The following ADNP2 variants were observed in gnomAD, a reference collection of about 807,000 sequenced individuals.
The protein encoded by ADNP2 is ADNP homeobox 2, also known as activity-dependent neuroprotector homeobox protein 2.
ADNP2 carries 8 observed loss-of-function variants against 16.4 expected under a neutral mutation model. The ratio of observed to expected loss-of-function variants is 0.49; its 90% CI spans 0.29 to 0.88. ADNP2 has a LOEUF of 0.88. Ranked by LOEUF, ADNP2 falls within the 40% of genes least tolerant of loss-of-function variation. ADNP2 has a pLI of 0.09. For missense variants in ADNP2, 1,397 were observed against 1,395.1 expected (o/e 1.00, Z -0.02); for synonymous variants, 637 against 545.8 (o/e 1.17, Z -2.33).
chr18:80,139,592 G>A lies in ADNP2; in HGVS notation c.*783G>A, dbSNP rs556807802. Reference sequence around the variant, plus strand: ...TTTTGATATGCTAAGTCATTTCTCCGTTCAGAGGTAAAACAATAAATTTTT... The same window carrying A: ...TTTTGATATGCTAAGTCATTTCTCCATTCAGAGGTAAAACAATAAATTTTT... On this transcript the variant is annotated 3_prime_UTR_variant, in exon 4 of 4. Transcript: ENST00000262198. 7 of 152,260 alleles carry A rather than the reference G, an allele frequency of 4.6e-5. No homozygotes were observed. The highest frequency in any genetic ancestry group is 9.7e-5 in the African/African-American group (4 of 41,282). 9.4% of individuals were successfully genotyped at this position (152,260 alleles called of 1,614,324 possible). A position where few individuals can be genotyped will look rare whatever the true frequency, so the allele number is the denominator to read the frequency against.
At position 80,128,340 on chromosome 18, in the gene ADNP2, A is replaced by G. The variant is rs571237326; in HGVS notation, c.109-4763A>G. Among the ~76,000 whole-genome samples the G allele has an allele frequency of 1.1e-4, 16 of 152,334 alleles. No individual in the cohort carries two copies. The South Asian group carries it at 3.3e-3, about 32-fold the overall frequency. Reference sequence around the variant, plus strand: ...TTTAAGATAGTTCTGAAAATAACCTAATTTTCAGTAGAAATCTTTGTAATA... The same window carrying G: ...TTTAAGATAGTTCTGAAAATAACCTGATTTTCAGTAGAAATCTTTGTAATA... On this transcript the variant is annotated intron_variant, in intron 2 of 3. Coordinates refer to ENST00000262198, the MANE Select transcript of ADNP2 (RefSeq NM_014913.4).
At chr18:80,134,415 G>GT (rs1159584851) in intron 3 of ADNP2, among the ~76,000 whole-genome samples, 2 of 146,632 alleles carry the variant, frequency 1.4e-5, no homozygotes, top group African/African-American at 4.9e-5. Flanking sequence ...GTGTGTGTGT[G>GT]TGTGAGAGAG....
chr18:80,126,439 C>T (rs1376680881), intron 2 of ADNP2, among the ~76,000 whole-genome samples: 1 of 152,090 alleles, frequency 6.6e-6, no homozygotes, highest in African/African-American at 2.4e-5. Flanking sequence ...TGAAGGACTT[C>T]ATATTTTGTA....
At chr18:80,126,267 T>C (rs1452760029) in intron 2 of ADNP2, among the ~76,000 whole-genome samples, 2 of 151,720 alleles carry the variant, frequency 1.3e-5, no homozygotes, top group African/African-American at 4.9e-5. Flanking sequence ...GTTGTTGTTA[T>C]ACATTTTTTC....
Position 80,137,894 on chromosome 18 carries a change from C to T in ADNP2, c.2481C>T (p.Thr827=). The change falls in exon 4 of 4, where the codon ACC becomes ACT. Residue 827 remains threonine, a synonymous_variant. Coordinates refer to ENST00000262198, the MANE Select transcript of ADNP2 (RefSeq NM_014913.4). This position sits in a 1 kb window ranked among gnomAD's most constrained non-coding sequence, Gnocchi z 4.2. ...NLLFPHLDFI[T]ILPKEKLGER... ...TCTTTCCCCACCTTGATTTCATCAC[C>T]ATATTGCCAAAGGAGAAGCTTGGGG... 2 of 1,614,028 alleles carry T rather than the reference C, an allele frequency of 1.2e-6. No individual in the cohort carries two copies. The highest frequency in any genetic ancestry group is 1.7e-6 in the Non-Finnish European group (2 of 1,180,038).
chr18:80,129,100 T>G (rs1310867494), intron 2 of ADNP2, among the ~76,000 whole-genome samples: 3 of 87,606 alleles, frequency 3.4e-5, no homozygotes, highest in Non-Finnish European at 2.2e-5. Context: ...CAGAACTTTT[T>G]TTTTGTTTTT....
Position 80,137,280 on chromosome 18 carries a change from A to G in ADNP2, c.1867A>G (p.Thr623Ala), listed in dbSNP as rs1353293817. 6.2e-7 allele frequency: 1 copy of G among 1,613,828 alleles called. No individual in the cohort carries two copies. The highest frequency in any genetic ancestry group is 8.5e-7 in the Non-Finnish European group (1 of 1,180,010). Residue 623 changes from threonine (T) to alanine (A), a missense_variant, in exon 4 of 4, where the codon ACT (threonine) becomes GCT (alanine). Thr to Ala is a moderately conservative substitution (Grantham distance 58). Coordinates refer to ENST00000262198, the MANE Select transcript of ADNP2 (RefSeq NM_014913.4). This position sits in a 1 kb window ranked among gnomAD's most constrained non-coding sequence, Gnocchi z 4.2. ...CTACACGCTGGCCCCCGTGTCTGTCACTCTGCCGGTTCCCCCTGGAGGCCT... is the reference window on the plus strand; with the variant it reads ...CTACACGCTGGCCCCCGTGTCTGTCGCTCTGCCGGTTCCCCCTGGAGGCCT... ...PTYTLAPVSV[T>A]LPVPPGGLAT...
chr18:80,116,266 A>G (rs2052388759), intron 1 of ADNP2, among the ~76,000 whole-genome samples: 1 of 152,160 alleles, frequency 6.6e-6, no homozygotes, highest in Admixed American at 6.5e-5. Context: ...TCCAGTCATC[A>G]GTTTATTTAT....
chr18:80,128,135 A>G (rs1224548832), intron 2 of ADNP2, among the ~76,000 whole-genome samples: 2 of 152,054 alleles, frequency 1.3e-5, no homozygotes, highest in African/African-American at 4.8e-5. Flanking sequence ...TTCTTTATTC[A>G]TTTCTGCTGC....
At position 80,137,264 on chromosome 18, in the gene ADNP2, G is replaced by A. The variant is rs2052545906; in HGVS notation, c.1851G>A (p.Leu617=). 11 of 1,614,148 alleles carry A rather than the reference G, an allele frequency of 6.8e-6. No homozygotes were observed. Among genetic ancestry groups the A allele is most frequent in the Middle Eastern group, 1.6e-4 (1 of 6,062 alleles). The change falls in exon 4 of 4, where the codon CTG becomes CTA. Residue 617 remains leucine, a synonymous_variant. Coordinates refer to ENST00000262198, the MANE Select transcript of ADNP2 (RefSeq NM_014913.4). The surrounding 1 kb of genome is among the most constrained non-coding windows in gnomAD (Gnocchi z 4.2). The part of the protein sequence containing the change: ...KQVNGIPTYT[L]APVSVTLPVP... ...TGAATGGGATTCCAACCTACACGCT[G>A]GCCCCCGTGTCTGTCACTCTGCCGG...
In ADNP2 at chr18:80,138,484, G is replaced by A; in HGVS notation, c.3071G>A (p.Ser1024Asn). 6.2e-7 allele frequency: 1 copy of A among 1,614,118 alleles called. No individual in the cohort carries two copies. Among genetic ancestry groups the A allele is most frequent in the Non-Finnish European group, 8.5e-7 (1 of 1,180,040 alleles). Residue 1024 changes from serine to asparagine, a missense_variant, in exon 4 of 4, where the codon AGC becomes AAC. Ser to Asn is a conservative substitution (Grantham distance 46). Around this residue, in one of 3 missense-constraint regions of ADNP2, gnomAD observed 611 missense variants for 648.7 expected, o/e 0.94. Transcript: ENST00000262198. ...CCTTTTAAAAGACAAAGGAATGAAA[G>A]CAGAACAGAGGGACCTATTGTCAAG... ...VVPFKRQRNESRTEGPIVKDE... is the reference protein window; with the variant it reads ...VVPFKRQRNENRTEGPIVKDE...
At chr18:80,123,402 G>A (rs1599810796) in intron 2 of ADNP2, among the ~76,000 whole-genome samples, 1 of 151,694 alleles carries the variant, frequency 6.6e-6, no homozygotes, top group African/African-American at 2.4e-5. Context: ...AGGGAGTTGC[G>A]TTCTTATTGC....
chr18:80,117,430 TTATACTC>T, intron 1 of ADNP2, 93 bp from the exon 2 acceptor site: 2 of 637,682 alleles, frequency 3.1e-6, no homozygotes, highest in Non-Finnish European at 2.5e-6. Flanking sequence ...TTGTTGAAAA[TTATACTC>T]TATTCCTAGT....
intron 1 of ADNP2, among the ~76,000 whole-genome samples, chr18:80,116,296 G>A (rs960936465): frequency 4.6e-5 from 7 of 152,140 alleles, no homozygotes; most frequent in Non-Finnish European, 7.4e-5. Context: ...CAATGCAGGG[G>A]CATTTGGTTT....
intron 1 of ADNP2, among the ~76,000 whole-genome samples, chr18:80,116,332 G>C (rs1327970130): frequency 6.6e-6 from 1 of 152,198 alleles, no homozygotes; most frequent in Admixed American, 6.5e-5. Context: ...TGACTGAATA[G>C]TGTTGTCATG....
chr18:80,116,183 A>G (rs2052388233), intron 1 of ADNP2, among the ~76,000 whole-genome samples: 1 of 152,144 alleles, frequency 6.6e-6, no homozygotes, highest in Non-Finnish European at 1.5e-5. Flanking sequence ...GTTTGTCCAT[A>G]TTGTAGCATG....
intron 2 of ADNP2, among the ~76,000 whole-genome samples, chr18:80,127,682 T>C (rs1241238433): frequency 1.3e-5 from 2 of 152,186 alleles, no homozygotes; most frequent in African/African-American, 4.8e-5. Context: ...GTTTGTTGTT[T>C]CCTTTAAATA....
rs191106650 is a variant in ADNP2 at position 80,139,675 on chromosome 18, C to T, written c.*866C>T. 591 of 152,640 alleles carry T rather than the reference C, an allele frequency of 3.9e-3. 3 individuals are homozygous for T. The highest frequency in any genetic ancestry group is 6.2e-3 in the Non-Finnish European group (421 of 68,014). 9.5% of individuals were successfully genotyped at this position (152,640 alleles called of 1,614,324 possible). On this transcript the variant is annotated 3_prime_UTR_variant, in exon 4 of 4. Coordinates refer to ENST00000262198, the MANE Select transcript of ADNP2 (RefSeq NM_014913.4). Reference sequence around the variant, plus strand: ...CCCCAAAACTCTTCTCCTAACTTAACTACTCATAAACTAGTGAAAGGGAAG... The same window carrying T: ...CCCCAAAACTCTTCTCCTAACTTAATTACTCATAAACTAGTGAAAGGGAAG...
intron 3 of ADNP2, 58 bp downstream of exon 3, chr18:80,133,250 A>G (rs1221855611): frequency 2.2e-6 from 3 of 1,376,760 alleles, no homozygotes; most frequent in East Asian, 2.3e-5. Context: ...GTGACTGTAA[A>G]TGTGGTCTAA....
Sources: allele counts gnomAD v4.1 joint callset (sites outside exome capture counted in the v4.1 genomes callset), GRCh38; gene constraint gnomAD v4.1.1; regional missense constraint gnomAD v4.1.1; non-coding constraint Gnocchi (gnomAD v3.1); transcripts MANE v1.5; gene names NCBI Gene and HGNC (gene_info 2026-07-23, HGNC 2026-07-21).